GJB6: variants seen among roughly 807,000 people sequenced by gnomAD.
GJB6 encodes gap junction protein beta 6.
Under a neutral mutation model 5.4 loss-of-function variants are expected in GJB6, and 5 were observed. The ratio of observed to expected loss-of-function variants is 0.92; its 90% CI spans 0.48 to 1.93. The LOEUF (loss-of-function observed/expected upper bound fraction) is 1.93, where lower values mean the gene tolerates loss of function less well. Ranked by LOEUF, GJB6 falls within the 30% of genes most tolerant of loss-of-function variation. The probability of loss-of-function intolerance (pLI) is 0.01; values close to 1 mark genes in which losing one functional copy is unlikely to be tolerated. For missense variants in GJB6, 298 were observed against 326.9 expected (o/e 0.91, Z 0.68); for synonymous variants, 136 against 129.6 (o/e 1.05, Z -0.34).
At chr13:20,226,700 GCTGT>G in intron 4 of GJB6, among the ~76,000 whole-genome samples, 1 of 152,310 alleles carries the variant, frequency 6.6e-6, no homozygotes, top group East Asian at 1.9e-4. Context: ...TTTTACAGCA[GCTGT>G]TCACCTATGG....
chr13:20,222,504 A>T lies in GJB6; in HGVS notation c.*191T>A, dbSNP rs1869239641. 1 of 602,170 alleles carries T rather than the reference A, an allele frequency of 1.7e-6. No individual in the cohort carries two copies. Among genetic ancestry groups the T allele is most frequent in the African/African-American group, 1.9e-5 (1 of 53,956 alleles). 37.3% of individuals were successfully genotyped at this position (602,170 alleles called of 1,614,324 possible). On this transcript the variant is annotated 3_prime_UTR_variant, in exon 5 of 5. Transcript: ENST00000647029. Reference sequence around the variant, plus strand: ...GTCAAGCAGTCTCTTGTTTTCAGAGATGGACCACATATTTGATTACGTTGT... The same window carrying T: ...GTCAAGCAGTCTCTTGTTTTCAGAGTTGGACCACATATTTGATTACGTTGT...
At chr13:20,227,595 C>T (rs889816967) in intron 4 of GJB6, among the ~76,000 whole-genome samples, 4 of 152,306 alleles carry the variant, frequency 2.6e-5, no homozygotes, top group African/African-American at 7.2e-5. Context: ...GACAGTGAGA[C>T]AGTGGCTCTT....
In GJB6 at chr13:20,222,643, TG is replaced by T; in HGVS notation, c.*51del. The T allele has an allele frequency of 6.6e-7, 1 of 1,513,064 alleles. No individual in the cohort carries two copies. The highest frequency in any genetic ancestry group is 9.2e-7 in the Non-Finnish European group (1 of 1,087,828). 93.7% of individuals were successfully genotyped at this position (1,513,064 alleles called of 1,614,324 possible). ...GAACTTTCAGGTTGGTATTGCCTTC[TG>T]GAGAAGACAGAAGTCTCCTTATGAC... On this transcript the variant is annotated 3_prime_UTR_variant, in exon 5 of 5. Transcript: ENST00000647029.
Position 20,222,998 on chromosome 13 carries a change from G to C in GJB6, c.483C>G (p.Tyr161Ter). The change falls in exon 5 of 5, where the codon TAC (tyrosine) becomes TAG (stop). Residue 161 changes from tyrosine to a stop codon, truncating the protein, a stop_gained. Transcript: ENST00000647029. LOFTEE classifies it high-confidence loss of function. ...MYVFYFLYNG[Y>*]HLPWVLKCGI... ...CACATTTCAACACCCAGGGCAGGTG[G>C]TACCCATTGTAAAGGAAGTAAAACA... 1 of 1,614,116 alleles carries C rather than the reference G, an allele frequency of 6.2e-7. No homozygotes were observed. Among genetic ancestry groups the C allele is most frequent in the South Asian group, 1.1e-5 (1 of 91,078 alleles).
In GJB6 at chr13:20,222,102, A is replaced by C. The variant is rs1869210629; in HGVS notation, c.*593T>G. 6.5e-6 allele frequency: 1 copy of C among 153,534 alleles called. No homozygotes were observed. 9.5% of individuals were successfully genotyped at this position (153,534 alleles called of 1,614,324 possible). On this transcript the variant is annotated 3_prime_UTR_variant, in exon 5 of 5. Transcript: ENST00000647029. ...CGTCTACATTCAGAAAGCAGTAAAA[A>C]TATATTGTGCAATGAACACTTTCCA...
intron 4 of GJB6, among the ~76,000 whole-genome samples, chr13:20,223,703 C>T (rs530865708): frequency 1.1e-4 from 17 of 152,196 alleles, no homozygotes; most frequent in South Asian, 6.2e-4. Context: ...TGGTGGCTCA[C>T]GCCTGGAAAC....
intron 4 of GJB6, 72 bp from the exon 5 acceptor site, chr13:20,223,567 G>A: frequency 8.6e-7 from 1 of 1,159,038 alleles, no homozygotes; most frequent in Non-Finnish European, 1.3e-6. Context: ...TGATATTACA[G>A]ACTGAAGCCA....
chr13:20,232,113 G>A (rs1212902596), intron 1 of GJB6, 81 bp downstream of exon 1: 2 of 152,206 alleles, frequency 1.3e-5, no homozygotes, highest in Non-Finnish European at 2.9e-5. Context: ...TGTTTTCTTG[G>A]AGGAAATTCC....
At position 20,223,021 on chromosome 13, in the gene GJB6, A is replaced by T. The variant is rs1001540278; in HGVS notation, c.460T>A (p.Phe154Ile). 1.9e-6 allele frequency: 3 copies of T among 1,614,192 alleles called. No homozygotes were observed. The highest frequency in any genetic ancestry group is 1.7e-6 in the Non-Finnish European group (2 of 1,180,044). The change falls in exon 5 of 5, where the codon TTT becomes ATT. Residue 154 changes from phenylalanine to isoleucine, a missense_variant. Coordinates refer to ENST00000647029, the MANE Select transcript of GJB6 (RefSeq NM_001110219.3). ...TGGTACCCATTGTAAAGGAAGTAAAACACATACATAAAGGCTGCTTCAAAG... is the reference window on the plus strand; with the variant it reads ...TGGTACCCATTGTAAAGGAAGTAAATCACATACATAAAGGCTGCTTCAAAG... ...IIFEAAFMYV[F>I]YFLYNGYHLP... is the part of the protein sequence containing the mutation.
intron 4 of GJB6, among the ~76,000 whole-genome samples, chr13:20,225,010 A>T (rs556980536): frequency 1.3e-5 from 2 of 152,192 alleles, no homozygotes; most frequent in Non-Finnish European, 2.9e-5. Context: ...CTCCCCACCC[A>T]GGAGTGCCTT....
chr13:20,224,845 G>T (rs1033173433), intron 4 of GJB6, among the ~76,000 whole-genome samples: 4 of 152,200 alleles, frequency 2.6e-5, no homozygotes, highest in African/African-American at 9.6e-5. Flanking sequence ...TCTCTTCACC[G>T]GTCTTAGACT....
At chr13:20,225,491 A>G (rs1869516303) in intron 4 of GJB6, 1 of 152,094 alleles carries the variant, frequency 6.6e-6, no homozygotes, top group African/African-American at 2.4e-5. Flanking sequence ...GTGAGGGTAT[A>G]CTACTATTTT....
At chr13:20,223,612 C>T in intron 4 of GJB6, 117 bp from the exon 5 acceptor site, 1 of 795,846 alleles carries the variant, frequency 1.3e-6, no homozygotes, top group South Asian at 1.4e-5. Flanking sequence ...TACTTTACAA[C>T]TTCAACTCCC....
intron 4 of GJB6, 25 bp from the exon 5 acceptor site, chr13:20,223,520 GT>G: frequency 6.4e-7 from 1 of 1,568,776 alleles, no homozygotes; most frequent in Non-Finnish European, 8.8e-7. Flanking sequence ...GTGGGCAAAG[GT>G]TTATTAGTGG....
At chr13:20,228,739 C>T (rs1416118757) in intron 4 of GJB6, among the ~76,000 whole-genome samples, 4 of 151,780 alleles carry the variant, frequency 2.6e-5, no homozygotes, top group Non-Finnish European at 2.9e-5. Flanking sequence ...CCCCCTTGGC[C>T]TCCCAAAGTG....
chr13:20,228,395 G>C (rs540999772), intron 4 of GJB6, among the ~76,000 whole-genome samples: 2 of 152,220 alleles, frequency 1.3e-5, no homozygotes, highest in African/African-American at 4.8e-5. Context: ...ACTTAAAAAG[G>C]TAAACTGTGT....
rs886050037 is a variant in GJB6, at chr13:20,231,099, A to G, written c.-296+283T>C. ...AACAGACAAAGCTCTCCACAGGAGC[A>G]GTTCTGAGCAGCACCCTGCAATTCT... is the stretch of plus-strand genomic sequence containing the variant. On this transcript the variant is annotated intron_variant, in intron 2 of 4. Coordinates refer to ENST00000647029, the MANE Select transcript of GJB6 (RefSeq NM_001110219.3). 1 of 152,260 alleles carries G rather than the reference A, an allele frequency of 6.6e-6. No individual in the cohort carries two copies. Among genetic ancestry groups the G allele is most frequent in the Non-Finnish European group, 1.5e-5 (1 of 68,066 alleles). 9.4% of individuals were successfully genotyped at this position (152,260 alleles called of 1,614,324 possible).
Position 20,223,035 on chromosome 13 carries a change from G to T in GJB6, c.446C>A (p.Ala149Asp), listed in dbSNP as rs576686538. The change falls in exon 5 of 5, where the codon GCC becomes GAC. Residue 149 changes from alanine (A) to aspartate (D), a missense_variant. Coordinates refer to ENST00000647029, the MANE Select transcript of GJB6 (RefSeq NM_001110219.3). ...SIFFRIIFEA[A>D]FMYVFYFLYN... ...AAGGAAGTAAAACACATACATAAAG[G>T]CTGCTTCAAAGATGATTCGGAAAAA... 1.2e-6 allele frequency: 2 copies of T among 1,613,970 alleles called. No homozygotes were observed. The highest frequency in any genetic ancestry group is 1.7e-6 in the Non-Finnish European group (2 of 1,179,968).
rs1869249113 is a variant in GJB6, at chr13:20,222,646, A to G, written c.*49T>C. ...CTTTCAGGTTGGTATTGCCTTCTGG[A>G]GAAGACAGAAGTCTCCTTATGACGC... On this transcript the variant is annotated 3_prime_UTR_variant, in exon 5 of 5. Coordinates refer to ENST00000647029, the MANE Select transcript of GJB6 (RefSeq NM_001110219.3). 2 of 1,524,852 alleles carry G rather than the reference A, an allele frequency of 1.3e-6. No homozygotes were observed. Among genetic ancestry groups the G allele is most frequent in the Non-Finnish European group, 1.8e-6 (2 of 1,098,642 alleles). 94.5% of individuals were successfully genotyped at this position (1,524,852 alleles called of 1,614,324 possible).
Sources: gnomAD v4.1 joint callset for allele counts (sites outside exome capture counted in the v4.1 genomes callset) on GRCh38, gnomAD v4.1.1 for gene constraint, MANE v1.5 for transcripts, NCBI Gene and HGNC (gene_info 2026-07-23, HGNC 2026-07-21) for gene names.